SIPA1L2: variants seen among roughly 807,000 people sequenced by gnomAD.
SIPA1L2 encodes signal induced proliferation associated 1 like 2.
A neutral mutation model predicts 163.9 loss-of-function variants in SIPA1L2; 56 were observed. The ratio of observed to expected loss-of-function variants is 0.34; its 90% CI spans 0.28 to 0.43. The LOEUF (loss-of-function observed/expected upper bound fraction) is 0.43, where lower values mean the gene tolerates loss of function less well. SIPA1L2 is among the 20% of genes least tolerant of loss of function. SIPA1L2 has a pLI of 1.00. For synonymous variants in SIPA1L2, 877 were observed against 865.7 expected, an observed-to-expected ratio of 1.01 and a Z score of -0.23; for missense variants, 1,974 against 2,193.5, an observed-to-expected ratio of 0.90 and a Z score of 2.00.
chr1:232,426,390 G>C (rs1661900572), intron 17 of SIPA1L2, among the ~76,000 whole-genome samples: 1 of 152,098 alleles, frequency 6.6e-6, no homozygotes, highest in South Asian at 2.1e-4. Context: ...GCCGGGCACA[G>C]TGGCTCATGC....
chr1:232,628,361 T>C (rs1249166389), intron 1 of SIPA1L2, among the ~76,000 whole-genome samples: 1 of 152,192 alleles, frequency 6.6e-6, no homozygotes, highest in Non-Finnish European at 1.5e-5. Flanking sequence ...TACCCAAAAC[T>C]TAAGAAAGAC....
At chr1:232,597,983 A>G (rs1226519553) in intron 1 of SIPA1L2, among the ~76,000 whole-genome samples, 1 of 152,338 alleles carries the variant, frequency 6.6e-6, no homozygotes, top group Non-Finnish European at 1.5e-5. Flanking sequence ...GCCAAGACTG[A>G]ATGTGAAACT....
intron 11 of SIPA1L2, among the ~76,000 whole-genome samples, chr1:232,445,079 A>C (rs1176953932): frequency 6.6e-6 from 1 of 152,222 alleles, no homozygotes; most frequent in Non-Finnish European, 1.5e-5. Flanking sequence ...CACTTTGCTT[A>C]AAAGGAGAAA....
intron 1 of SIPA1L2, among the ~76,000 whole-genome samples, chr1:232,586,243 T>C (rs1364026943): frequency 6.6e-6 from 1 of 152,190 alleles, no homozygotes; most frequent in Admixed American, 6.5e-5. Context: ...GTCCTCTCTC[T>C]GTGTCCAGAG....
intron 1 of SIPA1L2, among the ~76,000 whole-genome samples, chr1:232,609,160 T>C (rs1662114339): frequency 6.6e-6 from 1 of 152,164 alleles, no homozygotes; most frequent in Non-Finnish European, 1.5e-5. Context: ...ATTAAGATCA[T>C]TAGGATGGTG....
intron 10 of SIPA1L2, among the ~76,000 whole-genome samples, chr1:232,450,588 T>C (rs148011380): frequency 5.5e-4 from 84 of 152,326 alleles, no homozygotes; most frequent in Middle Eastern, 6.8e-3. Context: ...CCATTGAAGT[T>C]ACAGATCCTG....
intron 15 of SIPA1L2, among the ~76,000 whole-genome samples, chr1:232,434,024 C>A (rs1306304115): frequency 6.6e-6 from 1 of 152,156 alleles, no homozygotes; most frequent in African/African-American, 2.4e-5. Context: ...ATAGGGTAAG[C>A]ATTATATAAA....
intron 1 of SIPA1L2, among the ~76,000 whole-genome samples, chr1:232,591,113 C>A (rs1660935572): frequency 6.6e-6 from 1 of 152,172 alleles, no homozygotes; most frequent in African/African-American, 2.4e-5. Flanking sequence ...GCCTTACTGA[C>A]CTCCAGCACC....
At chr1:232,404,740 A>G (rs1029025798) in intron 19 of SIPA1L2, among the ~76,000 whole-genome samples, 4 of 152,190 alleles carry the variant, frequency 2.6e-5, no homozygotes, top group African/African-American at 9.6e-5. Context: ...ACTGACCAAG[A>G]ACAGCAATCC....
Position 232,428,518 on chromosome 1 carries a change from T to A in SIPA1L2, c.4303A>T (p.Thr1435Ser), listed in dbSNP as rs369272322. 6.3e-7 allele frequency: 1 copy of A among 1,593,348 alleles called. No homozygotes were observed. Among genetic ancestry groups the A allele is most frequent in the Non-Finnish European group, 8.5e-7 (1 of 1,171,818 alleles). ...DVMSTATQHQTVVGDAVAETQ... is the reference protein window; with the variant it reads ...DVMSTATQHQSVVGDAVAETQ... ...TCTGCAACAGCATCTCCCACCACTG[T>A]CTGATGCTGAGTTGCTGTGGACATG... The change falls in exon 17 of 23, where the codon ACA becomes TCA. Residue 1435 changes from threonine (T) to serine (S), a missense_variant. This residue lies in a region of SIPA1L2 where 1,079 missense variants were observed against 1,150.7 expected (regional missense o/e 0.94). Coordinates refer to ENST00000674635, the MANE Select transcript of SIPA1L2 (RefSeq NM_020808.5).
intron 2 of SIPA1L2, among the ~76,000 whole-genome samples, chr1:232,563,984 T>A (rs1659207457): frequency 7.2e-6 from 1 of 139,524 alleles, no homozygotes; most frequent in Admixed American, 6.9e-5. Context: ...TGTGTGTGTG[T>A]GTGTGTGTGT....
At chr1:232,544,281 G>T (rs1274920378) in intron 2 of SIPA1L2, among the ~76,000 whole-genome samples, 2 of 152,226 alleles carry the variant, frequency 1.3e-5, no homozygotes, top group South Asian at 4.1e-4. Flanking sequence ...AGTGCTAGCG[G>T]CCGGGCGCAA....
At chr1:232,501,214 C>T (rs534433921) in intron 3 of SIPA1L2, among the ~76,000 whole-genome samples, 179 of 151,960 alleles carry the variant, frequency 1.2e-3, no homozygotes, top group Non-Finnish European at 1.2e-3. Context: ...CCCACCACCA[C>T]ACCCGGCTAA....
chr1:232,490,963 C>T lies in SIPA1L2; in HGVS notation c.1717G>A (p.Val573Ile), dbSNP rs376743467. 10 of 1,614,022 alleles carry T rather than the reference C, an allele frequency of 6.2e-6. No homozygotes were observed. Among genetic ancestry groups the T allele is most frequent in the African/African-American group, 1.3e-5 (1 of 74,908 alleles). ...GLPLKEVLEYVIPELSIQCLR... is the reference protein window; with the variant it reads ...GLPLKEVLEYIIPELSIQCLR... Reference sequence around the variant, plus strand: ...CACTGAATGCTCAGCTCTGGAATGACGTATTCCAAAACTTCTTTGAGAGGT... The same window carrying T: ...CACTGAATGCTCAGCTCTGGAATGATGTATTCCAAAACTTCTTTGAGAGGT... Residue 573 changes from valine to isoleucine, a missense_variant, in exon 5 of 23, where the codon GTC becomes ATC. Physicochemically the swap from Val to Ile is conservative, Grantham distance 29. Transcript: ENST00000674635.
chr1:232,442,634 T>C (rs16857105), intron 12 of SIPA1L2, among the ~76,000 whole-genome samples: 2 of 151,480 alleles, frequency 1.3e-5, no homozygotes, highest in African/African-American at 4.9e-5. Context: ...CCAAATATGA[T>C]AGAAATAAGT....
In SIPA1L2 at chr1:232,398,855, T is replaced by G. The variant is rs1660166751; in HGVS notation, c.*272A>C. On this transcript the variant is annotated 3_prime_UTR_variant, in exon 23 of 23. Coordinates refer to ENST00000674635, the MANE Select transcript of SIPA1L2 (RefSeq NM_020808.5). ...AAGCCAGAGCACTGTTTTAGCAGAG[T>G]CTAAAAGAAAAAGGTCTCAACTGTC... 2 of 382,852 alleles carry G rather than the reference T, an allele frequency of 5.2e-6. No individual in the cohort carries two copies. Among genetic ancestry groups the G allele is most frequent in the East Asian group, 5.1e-5 (1 of 19,548 alleles). The allele number at this position is 382,852 out of a possible 1,614,324, so 23.7% of individuals were successfully genotyped here.
intron 3 of SIPA1L2, among the ~76,000 whole-genome samples, chr1:232,503,822 T>C (rs1666594901): frequency 6.6e-6 from 1 of 152,214 alleles, no homozygotes; most frequent in Non-Finnish European, 1.5e-5. Context: ...CAAACAATTA[T>C]GTGTATTTTA....
At position 232,630,133 on chromosome 1, in the gene SIPA1L2, T is replaced by G. The variant is rs1026458380; in HGVS notation, c.-583A>C. Among the ~76,000 whole-genome samples, 1 of 151,064 alleles carries G rather than the reference T, an allele frequency of 6.6e-6. No individual in the cohort carries two copies. The highest frequency in any genetic ancestry group is 1.5e-5 in the Non-Finnish European group (1 of 67,624). On this transcript the variant is annotated 5_prime_UTR_variant, in exon 1 of 23. Coordinates refer to ENST00000674635, the MANE Select transcript of SIPA1L2 (RefSeq NM_020808.5). ...GCCAGCTCCTCCCGGGCTCCCAGTC[T>G]GCCGCGCCGGCTCCCGATGCCACCG...
Position 232,415,514 on chromosome 1 carries a change from T to C in SIPA1L2, c.4742A>G (p.Asp1581Gly). The C allele has an allele frequency of 1.9e-6, 3 of 1,612,112 alleles. No homozygotes were observed. Among genetic ancestry groups the C allele is most frequent in the African/African-American group, 1.3e-5 (1 of 74,952 alleles). ...TTTACCTTCAAATGCCCGTGCAGCATCCACGAGGTGGGTCCAATCTAACCC... is the reference window on the plus strand; with the variant it reads ...TTTACCTTCAAATGCCCGTGCAGCACCCACGAGGTGGGTCCAATCTAACCC... ...ATGLDWTHLV[D>G]AARAFEGLDS... Residue 1581 changes from aspartate (D) to glycine (G), a missense_variant, in exon 19 of 23, where the codon GAT (aspartate) becomes GGT (glycine). By Grantham distance (94) the Asp-to-Gly change is moderately conservative. Transcript: ENST00000674635.
Sources: allele counts gnomAD v4.1 joint callset (sites outside exome capture counted in the v4.1 genomes callset), GRCh38; gene constraint gnomAD v4.1.1; regional missense constraint gnomAD v4.1.1; transcripts MANE v1.5; gene names NCBI Gene and HGNC (gene_info 2026-07-23, HGNC 2026-07-21).